Variants in SDK1 observed in about 807,000 individuals in gnomAD.
The protein encoded by SDK1 is protein sidekick-1.
Under a neutral mutation model 245.5 loss-of-function variants are expected in SDK1, and 157 were observed. The observed-to-expected ratio is 0.64, with a 90% CI of 0.56 to 0.73. The LOEUF is 0.73. SDK1 is among the 30% of genes least tolerant of loss of function. The pLI, the probability that SDK1 is intolerant of heterozygous loss-of-function variation, is 0.00. For synonymous variants in SDK1, 1,647 were observed against 1,278.5 expected (o/e 1.29, Z -6.15); for missense variants, 3,583 against 3,002.3 (o/e 1.19, Z -4.52).
intron 1 of SDK1, among the ~76,000 whole-genome samples, chr7:3,305,382 A>G (rs1297301499): frequency 6.6e-6 from 1 of 152,008 alleles, no homozygotes; most frequent in African/African-American, 2.4e-5. Flanking sequence ...ATGTCACTCA[A>G]TTTCTCTGTC....
chr7:3,822,580 G>C (rs1044154508), intron 5 of SDK1, among the ~76,000 whole-genome samples: 15 of 151,972 alleles, frequency 9.9e-5, no homozygotes, highest in African/African-American at 3.4e-4. Flanking sequence ...GACCAGCCTG[G>C]TCAACATGGT....
intron 30 of SDK1, among the ~76,000 whole-genome samples, chr7:4,157,259 A>C (rs993549784): frequency 2.5e-4 from 38 of 150,740 alleles, no homozygotes; most frequent in African/African-American, 8.1e-4. Context: ...GACGGACGGA[A>C]GGAAGGAAGG....
chr7:4,124,275 AC>A (rs775660663), intron 25 of SDK1, among the ~76,000 whole-genome samples: 15 of 152,186 alleles, frequency 9.9e-5, no homozygotes, highest in Non-Finnish European at 1.9e-4. Context: ...GTTTTCTGTT[AC>A]CATTCTGGAA....
chr7:3,943,305 CT>C (rs1780438427), intron 5 of SDK1, among the ~76,000 whole-genome samples: 1 of 148,054 alleles, frequency 6.8e-6, no homozygotes, highest in Non-Finnish European at 1.5e-5. Context: ...TGTGGCCGGA[CT>C]TCCCGCCTTC....
chr7:3,841,567 C>G (rs1027467980), intron 5 of SDK1, among the ~76,000 whole-genome samples: 2 of 148,978 alleles, frequency 1.3e-5, no homozygotes, highest in African/African-American at 5.2e-5. Context: ...ATTTTTTTCT[C>G]TTTTTCTTTT....
At position 4,082,153 on chromosome 7, in the gene SDK1, G is replaced by A. The variant is rs144566820; in HGVS notation, c.3324+2569G>A. On this transcript the variant is annotated intron_variant, in intron 22 of 44. Transcript: ENST00000404826. ...GGAGGGGGCCACCTGAGGAGGGGGC[G>A]TCTGGAATGGCAGGAGTGCTGTCTT... Among the ~76,000 whole-genome samples, 919 of 152,278 alleles carry A rather than the reference G, an allele frequency of 6.0e-3. 6 individuals are homozygous for A. Among genetic ancestry groups the A allele is most frequent in the Middle Eastern group, 0.01 (3 of 292 alleles).
chr7:3,915,604 C>T (rs779362658), intron 5 of SDK1, among the ~76,000 whole-genome samples: 4 of 152,144 alleles, frequency 2.6e-5, no homozygotes, highest in Non-Finnish European at 5.9e-5. Context: ...TGTGGCACTG[C>T]GAGTCCATTA....
intron 19 of SDK1, among the ~76,000 whole-genome samples, chr7:4,056,909 A>G (rs1043497326): frequency 1.3e-5 from 2 of 151,938 alleles, no homozygotes; most frequent in African/African-American, 4.8e-5. Flanking sequence ...GCATCTCCAT[A>G]TTCTGCAGCC....
chr7:3,649,877 C>T (rs1272541234), intron 4 of SDK1, among the ~76,000 whole-genome samples: 1 of 151,588 alleles, frequency 6.6e-6, no homozygotes, highest in African/African-American at 2.4e-5. Context: ...GGCACAGAGG[C>T]CAGAAACAGA....
At chr7:4,080,841 A>G (rs1289941204) in intron 22 of SDK1, among the ~76,000 whole-genome samples, 3 of 152,180 alleles carry the variant, frequency 2.0e-5, no homozygotes, top group Non-Finnish European at 4.4e-5. Context: ...CACGTACCCT[A>G]AAACTTAAAG....
intron 37 of SDK1, among the ~76,000 whole-genome samples, 170 bp downstream of exon 37, chr7:4,208,455 C>T (rs1784353627): frequency 6.6e-6 from 1 of 152,246 alleles, no homozygotes; most frequent in Non-Finnish European, 1.5e-5. Context: ...CTCATTTGTT[C>T]TCCCTGTGCC....
chr7:3,646,678 C>T (rs569185553), intron 4 of SDK1, among the ~76,000 whole-genome samples: 1 of 152,214 alleles, frequency 6.6e-6, no homozygotes, highest in Non-Finnish European at 1.5e-5. Context: ...ATTATTTTTT[C>T]CATACATTGC....
At chr7:4,222,305 A>AT (rs1351006730) in intron 40 of SDK1, among the ~76,000 whole-genome samples, 2 of 151,932 alleles carry the variant, frequency 1.3e-5, no homozygotes, top group Non-Finnish European at 2.9e-5. Flanking sequence ...TCTTTATTTT[A>AT]TTTTTTTGAG....
Position 4,210,142 on chromosome 7 carries a change from A to T in SDK1, c.5519A>T (p.Glu1840Val). ...GILQGYRVVYEPLAPVQGVSK... is the reference protein window; with the variant it reads ...GILQGYRVVYVPLAPVQGVSK... ...CTGCAGGGCTATCGGGTGGTGTACGAGCCCTTGGCCCCTGTACAAGGTAAG... is the reference window on the plus strand; with the variant it reads ...CTGCAGGGCTATCGGGTGGTGTACGTGCCCTTGGCCCCTGTACAAGGTAAG... The change falls in exon 38 of 45, where the codon GAG becomes GTG. Residue 1840 changes from glutamate (E) to valine (V), a missense_variant. Coordinates refer to ENST00000404826, the MANE Select transcript of SDK1 (RefSeq NM_152744.4). The T allele has an allele frequency of 6.3e-7, 1 of 1,593,858 alleles. No homozygotes were observed. Among genetic ancestry groups the T allele is most frequent in the Non-Finnish European group, 8.5e-7 (1 of 1,171,836 alleles).
In SDK1 at chr7:4,045,885, C is replaced by T. The variant is rs188110161; in HGVS notation, c.2603-3463C>T. On this transcript the variant is annotated intron_variant, in intron 17 of 44. Coordinates refer to ENST00000404826, the MANE Select transcript of SDK1 (RefSeq NM_152744.4). ...TTTGGTGAAGTAACTATTCTTTTTG[C>T]GTACATTTTTGGTTTTCTTACAGTT... Among the ~76,000 whole-genome samples, 560 of 152,182 alleles carry T rather than the reference C, an allele frequency of 3.7e-3. 6 individuals are homozygous for T. The South Asian group carries it at 0.04, about 11-fold the overall frequency.
chr7:3,658,851 C>G (rs562744510), intron 4 of SDK1, among the ~76,000 whole-genome samples: 4 of 152,118 alleles, frequency 2.6e-5, no homozygotes, highest in African/African-American at 9.7e-5. Flanking sequence ...TTCTTGACCT[C>G]AGGTGATCCG....
chr7:3,796,553 C>T (rs1778966000), intron 4 of SDK1, among the ~76,000 whole-genome samples: 1 of 152,192 alleles, frequency 6.6e-6, no homozygotes, highest in Admixed American at 6.5e-5. Context: ...CAGGACCCCA[C>T]CTGCTGGCTC....
At chr7:4,164,209 C>T (rs560712295) in intron 32 of SDK1, among the ~76,000 whole-genome samples, 56 of 152,316 alleles carry the variant, frequency 3.7e-4, no homozygotes, top group African/African-American at 1.3e-3. Context: ...CCACCTCTGC[C>T]CCTGGGAAGC....
At chr7:3,934,235 C>G (rs1270990617) in intron 5 of SDK1, among the ~76,000 whole-genome samples, 1 of 152,242 alleles carries the variant, frequency 6.6e-6, no homozygotes, top group East Asian at 1.9e-4. Flanking sequence ...GATACACTTT[C>G]TGAACAGACT....
Sources: gnomAD v4.1 joint callset for allele counts (sites outside exome capture counted in the v4.1 genomes callset) on GRCh38, gnomAD v4.1.1 for gene constraint, MANE v1.5 for transcripts, NCBI Gene and HGNC (gene_info 2026-07-23, HGNC 2026-07-21) for gene names.